Variants in CCDC30 observed in about 807,000 individuals in gnomAD.
CCDC30 encodes coiled-coil domain containing 30.
CCDC30 carries 70 observed loss-of-function variants against 100.2 expected under a neutral mutation model. The observed-to-expected ratio is 0.70, with a 90% CI of 0.58 to 0.85. The LOEUF (loss-of-function observed/expected upper bound fraction) is 0.85, where lower values mean the gene tolerates loss of function less well. Among genes scored for constraint, CCDC30 ranks in the 40% least tolerant of loss-of-function variants. The pLI, the probability that CCDC30 is intolerant of heterozygous loss-of-function variation, is 0.00. For synonymous variants in CCDC30, 233 were observed against 269.5 expected, an observed-to-expected ratio of 0.86 and a Z score of 1.33; for missense variants, 652 against 771.2, an observed-to-expected ratio of 0.85 and a Z score of 1.83.
At chr1:42,457,639 ATGAAT>A in the CCDC30 span, 1 of 416,688 alleles carries the variant, frequency 2.4e-6, no homozygotes, top group Non-Finnish European at 4.4e-6. Flanking sequence ...CTTGGAGGAG[ATGAAT>A]TGAACTGGGT....
intron 10 of CCDC30, 43 bp from the exon 15 acceptor site, chr1:42,610,935 C>A: frequency 2.0e-6 from 2 of 997,204 alleles, no homozygotes; most frequent in Non-Finnish European, 3.1e-6. Context: ...AACATCATAC[C>A]TTTGTCAGGT....
Position 42,642,567 on chromosome 1 carries a change from T to A in CCDC30, c.1514T>A (p.Leu505Ter), listed in dbSNP as rs142839542. The A allele has an allele frequency of 3.9e-5, 62 of 1,602,314 alleles. No homozygotes were observed. The highest frequency in any genetic ancestry group is 6.8e-5 in the South Asian group (6 of 88,242). Residue 505 changes from leucine to a stop codon, truncating the protein, a stop_gained, in exon 13 of 17, where the codon TTG becomes TAG. Coordinates refer to ENST00000668663, the Ensembl canonical transcript of CCDC30. LOFTEE classifies it high-confidence loss of function. ...GAGCAAGTCATAGAGCAAGAACAGT[T>A]GATCCACAGCAACAAATGGACGATA...
At chr1:42,542,717 A>AT (rs796398113) in intron 6 of CCDC30, 56 of 134,404 alleles carry the variant, frequency 4.2e-4, no homozygotes, top group African/African-American at 1.4e-3. Context: ...CGCCCGGCTA[A>AT]TTTTTTTTTG....
At chr1:42,536,518 G>T in intron 6 of CCDC30, 2 of 1,612,178 alleles carry the variant, frequency 1.2e-6, no homozygotes, top group Non-Finnish European at 1.7e-6. Context: ...GTTTGAAAGT[G>T]AGTGGTCAAA....
At chr1:42,533,964 C>T (rs1052317873) in intron 6 of CCDC30, 1 of 126,960 alleles carries the variant, frequency 7.9e-6, no homozygotes, top group Non-Finnish European at 1.7e-5. Context: ...GAGGTAGGCT[C>T]CCTCAAGCTA....
At chr1:42,486,799 C>G (rs1644057890) in intron 3 of CCDC30, among the ~76,000 whole-genome samples, 1 of 152,066 alleles carries the variant, frequency 6.6e-6, no homozygotes, top group Admixed American at 6.6e-5. Flanking sequence ...CTTGGGAACT[C>G]CTGACACTCA....
upstream of CCDC30, among the ~76,000 whole-genome samples, chr1:42,461,564 T>A (rs2148424041): frequency 6.6e-6 from 1 of 151,950 alleles, no homozygotes; most frequent in Non-Finnish European, 1.5e-5. Flanking sequence ...TTTTTTTTTT[T>A]TGAGCGGAGT....
At chr1:42,484,399 A>G (rs1027434962) in intron 3 of CCDC30, among the ~76,000 whole-genome samples, 6 of 152,226 alleles carry the variant, frequency 3.9e-5, no homozygotes, top group South Asian at 2.1e-4. Flanking sequence ...TGCTTGCCAT[A>G]CAAGAAGAAA....
In CCDC30 at chr1:42,581,572, C is replaced by T. The variant is rs911452179; in HGVS notation, c.1001+58C>T. On this transcript the variant is annotated intron_variant, in intron 9 of 16. Coordinates refer to ENST00000668663, the Ensembl canonical transcript of CCDC30. ...GTTTAGCCATGACTGAGTTAATCAG[C>T]AATATCAATTTTTTCTAACAGAATA... 19 of 1,491,968 alleles carry T rather than the reference C, an allele frequency of 1.3e-5. No individual in the cohort carries two copies. In the Admixed American group the frequency reaches 3.9e-4, roughly 31 times the overall value. The allele number at this position is 1,491,968 out of a possible 1,614,324, so 92.4% of individuals were successfully genotyped here. A position where few individuals can be genotyped will look rare whatever the true frequency, so the allele number is the denominator to read the frequency against.
intron 10 of CCDC30, chr1:42,590,350 C>G (rs2148608134): frequency 6.6e-6 from 1 of 152,294 alleles, no homozygotes; most frequent in Non-Finnish European, 1.5e-5. Flanking sequence ...AAATTGGTAC[C>G]AAGAAGCGGA....
At chr1:42,637,838 TGGATGAATAAACAGGAAATGGGAC>T in intron 12 of CCDC30, among the ~76,000 whole-genome samples, 1 of 152,310 alleles carries the variant, frequency 6.6e-6, no homozygotes, top group South Asian at 2.1e-4. Flanking sequence ...GACTTAGTGG[TGGATGAATAAACAGGAAATGGGAC>T]AGATGAATAG....
intron 3 of CCDC30, among the ~76,000 whole-genome samples, chr1:42,486,399 C>G (rs916534064): frequency 6.6e-6 from 1 of 152,162 alleles, no homozygotes; most frequent in Non-Finnish European, 1.5e-5. Context: ...ATTCCTTAAC[C>G]AATAGTGGCT....
intron 1 of CCDC30, among the ~76,000 whole-genome samples, chr1:42,470,808 G>A (rs541080347): frequency 1.3e-5 from 2 of 152,272 alleles, no homozygotes; most frequent in South Asian, 4.1e-4. Context: ...GGGGTGAGGG[G>A]AATGAGAAGT....
At chr1:42,637,324 G>A (rs1647180211) in exon 12 of CCDC30, 3 of 1,589,498 alleles carry the variant, frequency 1.9e-6, no homozygotes, top group Non-Finnish European at 2.6e-6. Context: ...TACGAGATAA[G>A]AGAATTAACC....
intron 4 of CCDC30, among the ~76,000 whole-genome samples, chr1:42,491,113 A>G (rs546862212): frequency 1.3e-5 from 2 of 152,376 alleles, no homozygotes; most frequent in Non-Finnish European, 2.9e-5. Context: ...TTAAAAATGT[A>G]TGAATAGAAT....
chr1:42,484,291 A>C (rs1178955500), intron 3 of CCDC30, among the ~76,000 whole-genome samples: 6 of 152,208 alleles, frequency 3.9e-5, no homozygotes, highest in Non-Finnish European at 7.3e-5. Flanking sequence ...ATACACTTAA[A>C]AGGGTGAATT....
chr1:42,545,572 G>T (rs760009336), intron 6 of CCDC30: 29 of 1,600,928 alleles, frequency 1.8e-5, no homozygotes, highest in Middle Eastern at 1.6e-4. Flanking sequence ...AGAGACAGAG[G>T]AACTCTGGTA....
intron 6 of CCDC30, among the ~76,000 whole-genome samples, chr1:42,538,317 G>A (rs1644947616): frequency 1.3e-5 from 2 of 151,456 alleles, no homozygotes; most frequent in South Asian, 4.2e-4. Context: ...GTGACAGAGG[G>A]AGACCCTGTC....
chr1:42,506,659 A>G (rs1445433293), intron 6 of CCDC30, among the ~76,000 whole-genome samples: 1 of 152,164 alleles, frequency 6.6e-6, no homozygotes, highest in Non-Finnish European at 1.5e-5. Flanking sequence ...AATCCTGTTT[A>G]CCTCTTCTTT....
Sources: allele counts gnomAD v4.1 joint callset (sites outside exome capture counted in the v4.1 genomes callset), GRCh38; gene constraint gnomAD v4.1.1; transcripts MANE v1.5; gene names NCBI Gene and HGNC (gene_info 2026-07-23, HGNC 2026-07-21).